Variants in COL21A1 observed in about 807,000 individuals in gnomAD.
The protein encoded by COL21A1 is collagen alpha-1(XXI) chain.
A neutral mutation model predicts 137.9 loss-of-function variants in COL21A1; 149 were observed. The observed-to-expected ratio is 1.08, with a 90% CI of 0.95 to 1.24. The LOEUF (loss-of-function observed/expected upper bound fraction) is 1.24, where lower values mean the gene tolerates loss of function less well. Ranked by LOEUF, COL21A1 falls within the 50% of genes most tolerant of loss-of-function variation. COL21A1 has a pLI of 0.00. For missense variants in COL21A1, 1,167 were observed against 1,158.4 expected (o/e 1.01, Z -0.11); for synonymous variants, 456 against 391.5 (o/e 1.16, Z -1.95).
chr6:56,136,532 C>T (rs534155727), intron 12 of COL21A1, among the ~76,000 whole-genome samples: 11 of 152,140 alleles, frequency 7.2e-5, no homozygotes, highest in Non-Finnish European at 1.2e-4. Context: ...CCACAGGCTG[C>T]TTTCCAAACC....
intron 12 of COL21A1, among the ~76,000 whole-genome samples, chr6:56,140,917 T>C (rs1774359462): frequency 6.6e-6 from 1 of 152,178 alleles, no homozygotes; most frequent in African/African-American, 2.4e-5. Context: ...CACAGACCTA[T>C]ATTTAAAAGA....
chr6:56,099,329 T>C (rs995073278), intron 17 of COL21A1, among the ~76,000 whole-genome samples: 1 of 149,702 alleles, frequency 6.7e-6, no homozygotes, highest in Non-Finnish European at 1.5e-5. Flanking sequence ...CGCCTCCCGG[T>C]TTCACACCAT....
In COL21A1 at chr6:56,093,021, A is replaced by T. The variant is rs564549660; in HGVS notation, c.1812+8451T>A. Among the ~76,000 whole-genome samples the T allele has an allele frequency of 6.6e-5, 10 of 152,190 alleles. No individual in the cohort carries two copies. The East Asian group carries it at 1.9e-3, about 29-fold the overall frequency. ...GTCTCATTACTCCCTCCTCTTCCCT[A>T]TGTGAAATTTTCCTCTGCCTCTCTC... On this transcript the variant is annotated intron_variant, in intron 17 of 29. Coordinates refer to ENST00000244728, the MANE Select transcript of COL21A1 (RefSeq NM_030820.4).
intron 3 of COL21A1, among the ~76,000 whole-genome samples, chr6:56,176,976 C>G (rs13220452): frequency 3.3e-4 from 41 of 123,132 alleles, no homozygotes; most frequent in Non-Finnish European, 5.0e-4. Flanking sequence ...GAGGCAGGAG[C>G]AGGGAGGAAG....
At chr6:56,329,443 A>G (rs1435838644) in intron 1 of COL21A1, among the ~76,000 whole-genome samples, 2 of 152,216 alleles carry the variant, frequency 1.3e-5, no homozygotes, top group East Asian at 1.9e-4. Context: ...CCAAATCTGT[A>G]TAACCACATT....
At chr6:56,086,413 G>A (rs1768251073) in intron 17 of COL21A1, among the ~76,000 whole-genome samples, 1 of 151,094 alleles carries the variant, frequency 6.6e-6, no homozygotes, top group Non-Finnish European at 1.5e-5. Context: ...AACATAAACA[G>A]TCAATTAATA....
intron 1 of COL21A1, among the ~76,000 whole-genome samples, chr6:56,299,046 T>TGA (rs1416436517): frequency 3.3e-5 from 5 of 152,106 alleles, no homozygotes; most frequent in African/African-American, 9.7e-5. Context: ...TCTTTTGTAA[T>TGA]GAGAGAGAGC....
intron 1 of COL21A1, among the ~76,000 whole-genome samples, chr6:56,199,628 C>A (rs1405349267): frequency 6.6e-6 from 1 of 152,094 alleles, no homozygotes; most frequent in Non-Finnish European, 1.5e-5. Context: ...AAAATTTATA[C>A]TTTTAAAACT....
At chr6:56,080,183 C>T (rs979677618) in intron 17 of COL21A1, among the ~76,000 whole-genome samples, 1 of 151,698 alleles carries the variant, frequency 6.6e-6, no homozygotes, top group Admixed American at 6.6e-5. Context: ...TTTTATAGAG[C>T]AAATGTGTTT....
At chr6:56,087,300 C>CTTCT (rs1768360877) in intron 17 of COL21A1, among the ~76,000 whole-genome samples, 1 of 152,092 alleles carries the variant, frequency 6.6e-6, no homozygotes, top group African/African-American at 2.4e-5. Flanking sequence ...CTGGGGTTCT[C>CTTCT]TTCTATAGCA....
rs374478013 is a variant in COL21A1, at chr6:56,077,567, G to A, written c.1819C>T (p.Pro607Ser). Reference protein sequence around the residue: ...QDGTRGEPGIPGFPGNRGLMG... With the variant: ...QDGTRGEPGISGFPGNRGLMG... ...AATCCTCGGTTTCCAGGAAATCCTG[G>A]GATTCCCTAAAAACAAATAAAATAG... Residue 607 changes from proline to serine, a missense_variant, in exon 18 of 30, where the codon CCA becomes TCA. By Grantham distance (74) the Pro-to-Ser change is moderately conservative. Transcript: ENST00000244728. The A allele has an allele frequency of 2.9e-5, 45 of 1,566,446 alleles. No individual in the cohort carries two copies. The highest frequency in any genetic ancestry group is 3.6e-5 in the Non-Finnish European group (42 of 1,153,354).
chr6:56,387,648 C>T (rs2094020737), intron 1 of COL21A1, among the ~76,000 whole-genome samples: 1 of 152,112 alleles, frequency 6.6e-6, no homozygotes, highest in African/African-American at 2.4e-5. Flanking sequence ...TGGGACTTTG[C>T]ACTGGAACTC....
intron 1 of COL21A1, among the ~76,000 whole-genome samples, chr6:56,255,861 C>T (rs754341260): frequency 2.0e-5 from 3 of 152,116 alleles, no homozygotes; most frequent in Non-Finnish European, 2.9e-5. Context: ...TCACCGCAGC[C>T]GCTGTCTGAG....
chr6:56,367,835 C>T (rs766415305), intron 1 of COL21A1, among the ~76,000 whole-genome samples: 5 of 152,220 alleles, frequency 3.3e-5, no homozygotes, highest in African/African-American at 7.2e-5. Context: ...CCGCCTCAGC[C>T]TCACGGGTAG....
intron 16 of COL21A1, among the ~76,000 whole-genome samples, chr6:56,103,714 CTT>C (rs1016030264): frequency 2.0e-4 from 30 of 152,230 alleles, no homozygotes; most frequent in African/African-American, 6.3e-4. Flanking sequence ...ATATTAGACA[CTT>C]AACATATTAA....
intron 1 of COL21A1, among the ~76,000 whole-genome samples, chr6:56,271,652 G>C (rs544267204): frequency 9.3e-4 from 141 of 152,326 alleles, no homozygotes; most frequent in Non-Finnish European, 1.6e-3. Flanking sequence ...GAGCATGTCA[G>C]AGACCTTCAC....
intron 1 of COL21A1, among the ~76,000 whole-genome samples, chr6:56,287,144 T>A: frequency 6.6e-6 from 1 of 152,222 alleles, no homozygotes; most frequent in East Asian, 1.9e-4. Flanking sequence ...AAAGACATGA[T>A]GTTGAACTTG....
intron 1 of COL21A1, among the ~76,000 whole-genome samples, chr6:56,348,412 T>C (rs909133480): frequency 3.3e-5 from 5 of 152,174 alleles, no homozygotes; most frequent in African/African-American, 1.2e-4. Flanking sequence ...TTTTGTCCCC[T>C]GGAAACACTT....
At chr6:56,109,118 C>A (rs1771195165) in intron 16 of COL21A1, among the ~76,000 whole-genome samples, 1 of 150,390 alleles carries the variant, frequency 6.6e-6, no homozygotes. Context: ...TAAAAAATAA[C>A]AAAAAACGAA....
Sources: allele counts gnomAD v4.1 joint callset (sites outside exome capture counted in the v4.1 genomes callset), GRCh38; gene constraint gnomAD v4.1.1; transcripts MANE v1.5; gene names NCBI Gene and HGNC (gene_info 2026-07-23, HGNC 2026-07-21).